The following SLC10A7 variants were observed in gnomAD, a reference collection of about 807,000 sequenced individuals.
SLC10A7 encodes the protein sodium/bile acid cotransporter 7.
Under a neutral mutation model 43.2 loss-of-function variants are expected in SLC10A7, and 29 were observed. That is an observed-to-expected ratio of 0.67 (90% CI 0.50 to 0.92). The LOEUF (loss-of-function observed/expected upper bound fraction) is 0.92. Among genes scored for constraint, SLC10A7 ranks in the 40% least tolerant of loss-of-function variants. SLC10A7 has a pLI of 0.00. For synonymous variants in SLC10A7, 152 were observed against 144.8 expected (o/e 1.05, Z -0.35); for missense variants, 295 against 403.2 (o/e 0.73, Z 2.30).
chr4:146,509,635 CCTT>C (rs1365538676), intron 3 of SLC10A7, among the ~76,000 whole-genome samples: 2 of 152,158 alleles, frequency 1.3e-5, no homozygotes, highest in African/African-American at 2.4e-5. Flanking sequence ...ATCTGCTAGT[CCTT>C]CTCATTTTTC....
intron 4 of SLC10A7, among the ~76,000 whole-genome samples, chr4:146,455,295 T>C (rs1453851884): frequency 6.6e-6 from 1 of 151,754 alleles, no homozygotes; most frequent in African/African-American, 2.4e-5. Flanking sequence ...CCTAGTGAAA[T>C]ACAACAAGCA....
chr4:146,398,170 C>G lies in SLC10A7; in HGVS notation c.435+44613G>C, dbSNP rs183083671. 1.3e-4 allele frequency among the ~76,000 whole-genome samples: 20 copies of G among 152,140 alleles called. No individual in the cohort carries two copies. In the East Asian group the frequency reaches 2.9e-3, roughly 22 times the overall value. On this transcript the variant is annotated intron_variant, in intron 5 of 11. Coordinates refer to ENST00000335472, the MANE Select transcript of SLC10A7 (RefSeq NM_001029998.6). ...ATAGGGAAAAATATTCTGTTGTGTACTAAAAAATAGATAAATCTTTTTACA... is the reference window on the plus strand; with the variant it reads ...ATAGGGAAAAATATTCTGTTGTGTAGTAAAAAATAGATAAATCTTTTTACA...
intron 5 of SLC10A7, among the ~76,000 whole-genome samples, chr4:146,422,071 T>A (rs546499964): frequency 6.6e-6 from 1 of 152,288 alleles, no homozygotes; most frequent in Non-Finnish European, 1.5e-5. Flanking sequence ...CTGACTTCAA[T>A]GATATATGTA....
intron 4 of SLC10A7, chr4:146,477,909 T>C (rs1379035143): frequency 6.6e-6 from 1 of 152,218 alleles, no homozygotes. Flanking sequence ...ACACACTTGA[T>C]AGCGTATCTA....
intron 9 of SLC10A7, among the ~76,000 whole-genome samples, chr4:146,283,475 TA>T (rs1183579972): frequency 2.6e-5 from 4 of 152,112 alleles, no homozygotes; most frequent in Non-Finnish European, 4.4e-5. Flanking sequence ...AGAACAGTTG[TA>T]AAAATGTGTG....
intron 5 of SLC10A7, among the ~76,000 whole-genome samples, chr4:146,400,016 C>T (rs540489274): frequency 6.6e-6 from 1 of 152,102 alleles, no homozygotes; most frequent in East Asian, 1.9e-4. Context: ...AGGCCAGGAC[C>T]CACAGCCAGG....
At chr4:146,330,716 T>C (rs140920433) in intron 5 of SLC10A7, among the ~76,000 whole-genome samples, 43 of 152,294 alleles carry the variant, frequency 2.8e-4, no homozygotes, top group Non-Finnish European at 5.3e-4. Flanking sequence ...TTTGTGTTAT[T>C]TTAGGTAATC....
chr4:146,354,850 A>G lies in SLC10A7; in HGVS notation c.436-28854T>C, dbSNP rs1490389212. The stretch of plus-strand genomic sequence containing the variant: ...GCCTAGCCATATGTAGAAAGCTGAA[A>G]CTGGATCCCTTCCTTACACCTTATA... On this transcript the variant is annotated intron_variant, in intron 5 of 11. Transcript: ENST00000335472. Among the ~76,000 whole-genome samples, 5 of 136,626 alleles carry G rather than the reference A, an allele frequency of 3.7e-5. No homozygotes were observed. The East Asian group carries it at 8.2e-4, about 22-fold the overall frequency. 89.6% of individuals were successfully genotyped at this position (136,626 alleles called of 152,430 possible). A position where few individuals can be genotyped will look rare whatever the true frequency, so the allele number is the denominator to read the frequency against.
At chr4:146,482,480 A>T (rs1322788554) in intron 4 of SLC10A7, among the ~76,000 whole-genome samples, 3 of 152,114 alleles carry the variant, frequency 2.0e-5, no homozygotes, top group Admixed American at 2.0e-4. Context: ...TAAAATAAAA[A>T]ATGAAATATA....
At chr4:146,426,827 A>AT (rs1729394642) in intron 5 of SLC10A7, among the ~76,000 whole-genome samples, 1 of 152,198 alleles carries the variant, frequency 6.6e-6, no homozygotes, top group South Asian at 2.1e-4. Context: ...GTGAGCCAAG[A>AT]TAGCTCCACT....
rs568803755 is a variant in SLC10A7 at position 146,457,342 on chromosome 4, G to A, written c.397-14521C>T. ...GTGTAATAATCACATCATATAAAAT[G>A]GGTATCCATCTCCTCAAGCATCCAT... On this transcript the variant is annotated intron_variant, in intron 4 of 11. Transcript: ENST00000335472. Among the ~76,000 whole-genome samples the A allele has an allele frequency of 3.0e-3, 459 of 151,858 alleles. 2 individuals are homozygous for A. Among genetic ancestry groups the A allele is most frequent in the African/African-American group, 0.01 (427 of 41,474 alleles).
chr4:146,290,110 G>A (rs1343705314), intron 9 of SLC10A7, among the ~76,000 whole-genome samples: 2 of 150,446 alleles, frequency 1.3e-5, no homozygotes, highest in Admixed American at 6.6e-5. Context: ...GGATCACAAG[G>A]TCAGGAGATC....
At chr4:146,430,608 G>A (rs757616873) in intron 5 of SLC10A7, among the ~76,000 whole-genome samples, 2 of 151,794 alleles carry the variant, frequency 1.3e-5, no homozygotes, top group Non-Finnish European at 2.9e-5. Context: ...CTATAAACAC[G>A]GTGAACATTT....
chr4:146,511,951 A>T (rs1737509713), intron 2 of SLC10A7, among the ~76,000 whole-genome samples: 1 of 151,376 alleles, frequency 6.6e-6, no homozygotes, highest in African/African-American at 2.4e-5. Flanking sequence ...AGAATACACT[A>T]AGGCATTTGC....
intron 9 of SLC10A7, among the ~76,000 whole-genome samples, chr4:146,290,408 GTTAAT>G (rs1730364535): frequency 6.6e-6 from 1 of 150,518 alleles, no homozygotes; most frequent in Non-Finnish European, 1.5e-5. Flanking sequence ...CTATGTGAGA[GTTAAT>G]TTAGGCTTCA....
chr4:146,436,740 A>C (rs1730248460), intron 5 of SLC10A7, among the ~76,000 whole-genome samples: 1 of 152,094 alleles, frequency 6.6e-6, no homozygotes, highest in South Asian at 2.1e-4. Context: ...TGCTGGTGCT[A>C]ATTTCACCTT....
At chr4:146,404,009 C>G (rs1739399706) in intron 5 of SLC10A7, among the ~76,000 whole-genome samples, 1 of 152,142 alleles carries the variant, frequency 6.6e-6, no homozygotes, top group African/African-American at 2.4e-5. Context: ...TATCCCTATT[C>G]ACACACCTAC....
rs118059350 is a variant in SLC10A7 at position 146,512,824 on chromosome 4, T to C, written c.184-2775A>G. ...TATATTTTTATCCTTTGCAACATGT[T>C]TGTAATAGCAAAACCTTGTAAATTA... On this transcript the variant is annotated intron_variant, in intron 2 of 11. Transcript: ENST00000335472. 9.8e-5 allele frequency among the ~76,000 whole-genome samples: 15 copies of C among 152,322 alleles called. No homozygotes were observed. In the East Asian group the frequency reaches 2.9e-3, roughly 29 times the overall value.
At chr4:146,328,231 T>A (rs147710003) in intron 5 of SLC10A7, among the ~76,000 whole-genome samples, 1 of 152,196 alleles carries the variant, frequency 6.6e-6, no homozygotes, top group Admixed American at 6.5e-5. Flanking sequence ...CCAGCACCCA[T>A]GTGCACCATG....
Sources: gnomAD v4.1 joint callset for allele counts (sites outside exome capture counted in the v4.1 genomes callset) on GRCh38, gnomAD v4.1.1 for gene constraint, MANE v1.5 for transcripts, NCBI Gene and HGNC (gene_info 2026-07-23, HGNC 2026-07-21) for gene names.